ALG13: variants seen among roughly 807,000 people sequenced by gnomAD.
The protein encoded by ALG13 is ALG13 UDP-N-acetylglucosaminyltransferase subunit.
Under a neutral mutation model 87.8 loss-of-function variants are expected in ALG13, and 11 were observed. The ratio of observed to expected loss-of-function variants is 0.13; its 90% CI spans 0.08 to 0.21. ALG13 has a LOEUF of 0.21. Ranked by LOEUF, ALG13 falls within the 10% of genes least tolerant of loss-of-function variation. ALG13 has a pLI of 1.00. For missense variants in ALG13, 756 were observed against 866.1 expected (o/e 0.87, Z 1.60); for synonymous variants, 320 against 306.3 (o/e 1.04, Z -0.47).
intron 3 of ALG13, among the ~76,000 whole-genome samples, chrX:111,692,905 C>T (rs1363368364): frequency 9.0e-6 from 1 of 110,669 alleles, no homozygotes; most frequent in Non-Finnish European, 1.9e-5. Context: ...CCTCCCACCT[C>T]AGCCTCTGGA....
chrX:111,736,898 C>T lies in ALG13; in HGVS notation c.2695+19C>T, dbSNP rs766896519. 8.5e-7 allele frequency: 1 copy of T among 1,179,976 alleles called. No homozygotes were observed. Among genetic ancestry groups the T allele is most frequent in the Non-Finnish European group, 1.1e-6 (1 of 877,023 alleles). On this transcript the variant is annotated intron_variant, in intron 23 of 26. Transcript: ENST00000394780. The stretch of plus-strand genomic sequence containing the variant: ...AGGCCAGGTAGGTTATTAGCAGATG[C>T]TTACTTTGGAAGCCTCTTTTCCTAT...
intron 23 of ALG13, among the ~76,000 whole-genome samples, chrX:111,741,089 T>A (rs1943697510): frequency 8.9e-6 from 1 of 112,226 alleles, no homozygotes; most frequent in Non-Finnish European, 1.9e-5. Context: ...CCCAAAGGAA[T>A]CAGTCCTGAA....
At chrX:111,737,123 G>A (rs1466916372) in intron 23 of ALG13, 1 of 261,846 alleles carries the variant, frequency 3.8e-6, no homozygotes, top group South Asian at 1.7e-4. Context: ...GCTGAATTAG[G>A]GGACTTGTAC....
chrX:111,689,545 A>G, intron 3 of ALG13: 2 of 753,501 alleles, frequency 2.7e-6, no homozygotes, highest in Non-Finnish European at 3.1e-6. Context: ...CGTTGTTGTC[A>G]ATTGTGTGCA....
chrX:111,715,973 G>C (rs1320408830), intron 8 of ALG13, among the ~76,000 whole-genome samples: 2 of 111,410 alleles, frequency 1.8e-5, no homozygotes, highest in Admixed American at 9.5e-5. Flanking sequence ...ACATTAAAAA[G>C]AAAATAAAAT....
intron 1 of ALG13, 139 bp from the exon 2 acceptor site, chrX:111,681,993 C>G (rs1243436061): frequency 3.5e-6 from 3 of 861,618 alleles, no homozygotes; most frequent in African/African-American, 4.5e-5. Flanking sequence ...GTTTTGAAAA[C>G]TAAGTGAAAT....
intron 3 of ALG13, among the ~76,000 whole-genome samples, chrX:111,705,877 G>T (rs1331852831): frequency 9.3e-6 from 1 of 107,740 alleles, no homozygotes; most frequent in African/African-American, 3.4e-5. Flanking sequence ...TTACTTTTCT[G>T]ATTCTCTCCC....
chrX:111,711,979 CAAGCTT>C (rs1252237671), intron 6 of ALG13, among the ~76,000 whole-genome samples: 1 of 111,811 alleles, frequency 8.9e-6, no homozygotes, highest in Non-Finnish European at 1.9e-5. Context: ...GGAAACAGGA[CAAGCTT>C]AAGCCTTTTC....
chrX:111,684,153 T>C (rs1934304853), intron 2 of ALG13, among the ~76,000 whole-genome samples: 1 of 111,917 alleles, frequency 8.9e-6, no homozygotes, highest in Non-Finnish European at 1.9e-5. Flanking sequence ...TGGCATGAGA[T>C]AGTCAACACT....
At chrX:111,738,439 T>C (rs1222333187) in intron 23 of ALG13, among the ~76,000 whole-genome samples, 11 of 112,552 alleles carry the variant, frequency 9.8e-5, no homozygotes, top group Non-Finnish European at 1.9e-4. Flanking sequence ...CAGAAAGTTT[T>C]GGAATTTGGA....
intron 21 of ALG13, chrX:111,734,505 A>G (rs1269336159): frequency 1.8e-5 from 2 of 112,178 alleles, no homozygotes; most frequent in East Asian, 2.8e-4. Flanking sequence ...AATGTAACCA[A>G]TCTCTGCTGG....
chrX:111,729,235 G>A lies in ALG13; in HGVS notation c.2368+930G>A, dbSNP rs192465408. ...CAGTTTTTATGTTGACTCCTACCAT[G>A]GAATGTGTTTATTTTTACCTTGTTA... is the stretch of plus-strand genomic sequence containing the variant. On this transcript the variant is annotated intron_variant, in intron 19 of 26. Coordinates refer to ENST00000394780, the MANE Select transcript of ALG13 (RefSeq NM_001099922.3). Among the ~76,000 whole-genome samples the A allele has an allele frequency of 7.2e-5, 8 of 111,111 alleles. No homozygotes were observed. In the Admixed American group the frequency reaches 7.7e-4, roughly 11 times the overall value.
intron 3 of ALG13, chrX:111,688,173 TC>T (rs1935442917): frequency 1.2e-6 from 1 of 830,992 alleles, no homozygotes; most frequent in Non-Finnish European, 1.4e-6. Flanking sequence ...TGGGTCCAAA[TC>T]CTAATTGCAG....
intron 3 of ALG13, among the ~76,000 whole-genome samples, chrX:111,697,983 A>C (rs1486943917): frequency 8.9e-6 from 1 of 112,051 alleles, no homozygotes; most frequent in East Asian, 2.8e-4. Flanking sequence ...TAATGATAAA[A>C]TGTTTAAATT....
chrX:111,737,911 T>C (rs1943387175), intron 23 of ALG13, among the ~76,000 whole-genome samples: 1 of 112,042 alleles, frequency 8.9e-6, no homozygotes, highest in African/African-American at 3.2e-5. Context: ...AAGAAACTGC[T>C]AAGAGTGGAA....
chrX:111,754,024 A>G (rs190892505), intron 25 of ALG13, among the ~76,000 whole-genome samples: 20 of 112,015 alleles, frequency 1.8e-4, no homozygotes, highest in African/African-American at 6.5e-4. Flanking sequence ...AAAATCCTCA[A>G]TAAAATACTG....
chrX:111,711,634 G>T, intron 5 of ALG13, 41 bp from the exon 6 acceptor site: 1 of 1,125,878 alleles, frequency 8.9e-7, no homozygotes, highest in Non-Finnish European at 1.2e-6. Context: ...TTTCAGTAAT[G>T]CTGTGTATTT....
At chrX:111,731,779 C>T (rs4314821) in intron 21 of ALG13, among the ~76,000 whole-genome samples, 2 of 111,971 alleles carry the variant, frequency 1.8e-5, no homozygotes, top group African/African-American at 6.5e-5. Flanking sequence ...TGCTATAATT[C>T]TTTGTGGTTT....
chrX:111,730,162 C>CT (rs1439399798), intron 19 of ALG13, among the ~76,000 whole-genome samples: 1 of 112,009 alleles, frequency 8.9e-6, no homozygotes. Context: ...TGCCTGACCT[C>CT]TAAGAGCTAA....
Sources: gnomAD v4.1 joint callset for allele counts (sites outside exome capture counted in the v4.1 genomes callset) on GRCh38, gnomAD v4.1.1 for gene constraint, MANE v1.5 for transcripts, NCBI Gene and HGNC (gene_info 2026-07-23, HGNC 2026-07-21) for gene names.